Variants in SLC35F1 observed in about 807,000 individuals in gnomAD.
SLC35F1 encodes chromosome 6 open reading frame 169.
Under a neutral mutation model 48.7 loss-of-function variants are expected in SLC35F1, and 14 were observed. The observed-to-expected ratio is 0.29, with a 90% CI of 0.19 to 0.45. The LOEUF (loss-of-function observed/expected upper bound fraction) is 0.45, where lower values mean the gene tolerates loss of function less well. Among genes scored for constraint, SLC35F1 ranks in the 20% least tolerant of loss-of-function variants. The probability of loss-of-function intolerance (pLI) is 1.00; values close to 1 mark genes in which losing one functional copy is unlikely to be tolerated. For missense variants in SLC35F1, 404 were observed against 500.0 expected, an observed-to-expected ratio of 0.81 and a Z score of 1.83; for synonymous variants, 190 against 202.2, an observed-to-expected ratio of 0.94 and a Z score of 0.51.
At chr6:118,012,057 A>G (rs536790268) in intron 1 of SLC35F1, among the ~76,000 whole-genome samples, 1 of 152,314 alleles carries the variant, frequency 6.6e-6, no homozygotes, top group Non-Finnish European at 1.5e-5. Flanking sequence ...AATGGCATGC[A>G]TAGATCTTTA....
chr6:117,977,190 T>C (rs1054817562), intron 1 of SLC35F1, among the ~76,000 whole-genome samples: 1 of 144,914 alleles, frequency 6.9e-6, no homozygotes, highest in Admixed American at 6.8e-5. Flanking sequence ...TCTTTTTCTT[T>C]TTCTTTCTTT....
At chr6:118,031,333 T>G (rs546197710) in intron 1 of SLC35F1, among the ~76,000 whole-genome samples, 3 of 152,346 alleles carry the variant, frequency 2.0e-5, no homozygotes, top group Non-Finnish European at 2.9e-5. Flanking sequence ...TGAGGTCTAC[T>G]GTGATTTTAG....
intron 1 of SLC35F1, among the ~76,000 whole-genome samples, chr6:117,930,083 C>T (rs1056874668): frequency 3.3e-5 from 5 of 152,288 alleles, no homozygotes; most frequent in South Asian, 2.1e-4. Flanking sequence ...TATTTGGATC[C>T]GAGCCCATGC....
intron 1 of SLC35F1, among the ~76,000 whole-genome samples, chr6:117,940,932 A>T (rs1309540328): frequency 1.3e-5 from 2 of 152,162 alleles, no homozygotes; most frequent in African/African-American, 4.8e-5. Flanking sequence ...TACAGGTATG[A>T]GCTACCATGC....
At chr6:118,150,802 A>G (rs1364003349) in intron 1 of SLC35F1, among the ~76,000 whole-genome samples, 4 of 152,208 alleles carry the variant, frequency 2.6e-5, no homozygotes, top group Non-Finnish European at 5.9e-5. Flanking sequence ...CATTGATATT[A>G]TGTTACATGG....
intron 1 of SLC35F1, among the ~76,000 whole-genome samples, chr6:118,037,976 T>C (rs1772159021): frequency 6.6e-6 from 1 of 152,132 alleles, no homozygotes; most frequent in South Asian, 2.1e-4. Context: ...CCATGGCACA[T>C]GTACACCTAT....
At chr6:118,018,100 C>T (rs138810875) in intron 1 of SLC35F1, among the ~76,000 whole-genome samples, 24 of 152,272 alleles carry the variant, frequency 1.6e-4, no homozygotes, top group African/African-American at 4.1e-4. Context: ...AGGCCGGGCA[C>T]GGTGGCTCAT....
chr6:117,936,462 G>C (rs945751044), intron 1 of SLC35F1, among the ~76,000 whole-genome samples: 1 of 152,194 alleles, frequency 6.6e-6, no homozygotes, highest in Non-Finnish European at 1.5e-5. Context: ...TGAATTTTGA[G>C]TGTCTCAGAG....
intron 1 of SLC35F1, among the ~76,000 whole-genome samples, chr6:118,063,942 T>G (rs959146370): frequency 6.6e-6 from 1 of 152,194 alleles, no homozygotes; most frequent in Non-Finnish European, 1.5e-5. Context: ...GGTGCCTGCC[T>G]AGACTGCAGA....
chr6:118,154,730 A>C, intron 2 of SLC35F1, 110 bp downstream of exon 2: 1 of 1,020,176 alleles, frequency 9.8e-7, no homozygotes, highest in South Asian at 2.3e-5. Flanking sequence ...ATCATTGAAA[A>C]CCCCAGATCT....
At chr6:117,930,901 C>T (rs532299951) in intron 1 of SLC35F1, among the ~76,000 whole-genome samples, 26 of 152,216 alleles carry the variant, frequency 1.7e-4, no homozygotes, top group East Asian at 5.8e-4. Flanking sequence ...GTGTAATTTC[C>T]GGAAGGAACA....
chr6:118,006,314 A>G (rs143852557), intron 1 of SLC35F1, among the ~76,000 whole-genome samples: 54 of 152,256 alleles, frequency 3.5e-4, no homozygotes, highest in African/African-American at 1.3e-3. Flanking sequence ...GCAGTGTTAA[A>G]CTTTAAAAAG....
rs543803415 is a variant in SLC35F1, at chr6:118,178,327, T to A, written c.349+23707T>A. 7.2e-5 allele frequency among the ~76,000 whole-genome samples: 11 copies of A among 152,236 alleles called. No individual in the cohort carries two copies. The South Asian group carries it at 2.3e-3, about 32-fold the overall frequency. ...TTTCTAGGGGCCAACCGCTTGCCCA[T>A]GTGTGGGAAGATCCTGTGTTCCTAC... On this transcript the variant is annotated intron_variant, in intron 2 of 7. Transcript: ENST00000360388.
intron 7 of SLC35F1, among the ~76,000 whole-genome samples, chr6:118,313,359 C>G (rs374989541): frequency 6.6e-6 from 1 of 152,208 alleles, no homozygotes; most frequent in African/African-American, 2.4e-5. Flanking sequence ...CCTCTCCCCG[C>G]AAACTCTATG....
intron 7 of SLC35F1, among the ~76,000 whole-genome samples, chr6:118,312,290 T>G (rs1223263126): frequency 6.6e-6 from 1 of 152,224 alleles, no homozygotes; most frequent in African/African-American, 2.4e-5. Flanking sequence ...ACAGACCTAT[T>G]TCATTCACCG....
chr6:117,973,692 C>G (rs4946310), intron 1 of SLC35F1, among the ~76,000 whole-genome samples: 151,362 of 152,246 alleles, frequency 0.99, 75,246 homozygotes, highest in Middle Eastern at 1. Context: ...CTTCCCAGTA[C>G]CTGGGAATAT....
chr6:118,261,978 A>G (rs1003300990), intron 3 of SLC35F1, among the ~76,000 whole-genome samples: 1 of 152,070 alleles, frequency 6.6e-6, no homozygotes, highest in Non-Finnish European at 1.5e-5. Flanking sequence ...AGAGTTGTGA[A>G]CTCTTGTGGA....
intron 2 of SLC35F1, among the ~76,000 whole-genome samples, chr6:118,194,122 G>T (rs1310003466): frequency 1.4e-5 from 2 of 143,916 alleles, no homozygotes; most frequent in African/African-American, 4.9e-5. Flanking sequence ...TCCAATAGTT[G>T]TTAAGATTTT....
At chr6:118,147,804 G>C (rs1304074352) in intron 1 of SLC35F1, among the ~76,000 whole-genome samples, 1 of 152,070 alleles carries the variant, frequency 6.6e-6, no homozygotes, top group Admixed American at 6.6e-5. Context: ...CGTCTTACTT[G>C]GTTTCTCTTA....
Sources: gnomAD v4.1 joint callset for allele counts (sites outside exome capture counted in the v4.1 genomes callset) on GRCh38, gnomAD v4.1.1 for gene constraint, MANE v1.5 for transcripts, NCBI Gene and HGNC (gene_info 2026-07-23, HGNC 2026-07-21) for gene names.